TRHDE: variants seen among roughly 807,000 people sequenced by gnomAD.
TRHDE encodes thyrotropin-releasing hormone-degrading ectoenzyme.
A neutral mutation model predicts 125.7 loss-of-function variants in TRHDE; 72 were observed. That is an observed-to-expected ratio of 0.57 (90% CI 0.47 to 0.70). The LOEUF (loss-of-function observed/expected upper bound fraction) is 0.70. TRHDE is among the 30% of genes least tolerant of loss of function. The pLI, the probability that TRHDE is intolerant of heterozygous loss-of-function variation, is 0.00. For synonymous variants in TRHDE, 509 were observed against 509.1 expected (o/e 1.00, Z 0.00); for missense variants, 1,110 against 1,327.1 (o/e 0.84, Z 2.54).
chr12:72,410,707 T>A (rs1873459068), intron 3 of TRHDE, among the ~76,000 whole-genome samples: 3 of 152,100 alleles, frequency 2.0e-5, no homozygotes, highest in Non-Finnish European at 4.4e-5. Context: ...GCATCATTAA[T>A]ATAATGAAAA....
At chr12:72,650,503 T>G (rs1874463323) in intron 15 of TRHDE, among the ~76,000 whole-genome samples, 1 of 152,018 alleles carries the variant, frequency 6.6e-6, no homozygotes, top group South Asian at 2.1e-4. Context: ...TCTTGAACAT[T>G]GATATTGGAG....
intron 2 of TRHDE, among the ~76,000 whole-genome samples, chr12:72,122,299 C>T (rs561395504): frequency 6.6e-6 from 1 of 152,268 alleles, no homozygotes; most frequent in African/African-American, 2.4e-5. Context: ...CATCATGTTT[C>T]TTGCCTGTGA....
At chr12:72,451,092 G>T (rs1875547665) in intron 3 of TRHDE, among the ~76,000 whole-genome samples, 1 of 151,974 alleles carries the variant, frequency 6.6e-6, no homozygotes, top group Non-Finnish European at 1.5e-5. Context: ...TTTGTTGATT[G>T]TTTCCTTTGC....
rs112221040 is a variant in TRHDE, at chr12:72,614,127, T to C, written c.2322-4764T>C. ...TAGCATCAATCCACAAAGGGGGTTC[T>C]GCCCTCATGATCCAAACACCTCCCA... On this transcript the variant is annotated intron_variant, in intron 12 of 18. Transcript: ENST00000261180. Among the ~76,000 whole-genome samples the C allele has an allele frequency of 1.7e-3, 264 of 151,896 alleles. 4 individuals are homozygous for C. Among genetic ancestry groups the C allele is most frequent in the African/African-American group, 6.3e-3 (260 of 41,424 alleles).
intron 6 of TRHDE, among the ~76,000 whole-genome samples, chr12:72,537,335 C>G (rs61926610): frequency 6.6e-6 from 1 of 151,918 alleles, no homozygotes; most frequent in East Asian, 1.9e-4. Context: ...CTGTAATCCC[C>G]ACATGTCAAG....
chr12:72,195,807 G>A (rs544588679), intron 2 of TRHDE, among the ~76,000 whole-genome samples: 1 of 152,226 alleles, frequency 6.6e-6, no homozygotes, highest in South Asian at 2.1e-4. Context: ...CAAGGCTGAT[G>A]TCTAGAATGG....
At position 72,669,247 on chromosome 12, in the gene TRHDE, C is replaced by A. The variant is rs1875192025; in HGVS notation, c.*6052C>A. 1 of 151,784 alleles carries A rather than the reference C, an allele frequency of 6.6e-6. No homozygotes were observed. Among genetic ancestry groups the A allele is most frequent in the Non-Finnish European group, 1.5e-5 (1 of 67,836 alleles). 9.4% of individuals were successfully genotyped at this position (151,784 alleles called of 1,614,324 possible). On this transcript the variant is annotated 3_prime_UTR_variant, in exon 19 of 19. Transcript: ENST00000261180. ...AGGAGACATATTAGTCTAGCCAGAA[C>A]TTTCCTTTTGCTTAGCAGTGAGGTC...
In TRHDE at chr12:72,469,932, G is replaced by T; in HGVS notation, c.1470+20G>T. The T allele has an allele frequency of 3.1e-6, 5 of 1,609,786 alleles. No homozygotes were observed. Among genetic ancestry groups the T allele is most frequent in the Middle Eastern group, 1.7e-4 (1 of 6,048 alleles). Reference sequence around the variant, plus strand: ...CACCAGGTATGAGAAAAAGAATCAGGTGTAAGTATAATGTGAAAGCTATTG... The same window carrying T: ...CACCAGGTATGAGAAAAAGAATCAGTTGTAAGTATAATGTGAAAGCTATTG... On this transcript the variant is annotated intron_variant, in intron 4 of 18. Transcript: ENST00000261180.
At chr12:72,657,750 A>G (rs1207180992) in intron 18 of TRHDE, among the ~76,000 whole-genome samples, 1 of 152,162 alleles carries the variant, frequency 6.6e-6, no homozygotes, top group African/African-American at 2.4e-5. Flanking sequence ...TAGAGAGATG[A>G]GAAATGGGGA....
chr12:72,543,323 A>G (rs1869245867), intron 7 of TRHDE, among the ~76,000 whole-genome samples: 1 of 151,526 alleles, frequency 6.6e-6, no homozygotes, highest in African/African-American at 2.4e-5. Context: ...GAAACTATAT[A>G]TAAAAATAAA....
intron 2 of TRHDE, among the ~76,000 whole-genome samples, chr12:72,170,799 G>A (rs1431424244): frequency 1.3e-5 from 2 of 152,168 alleles, no homozygotes; most frequent in African/African-American, 4.8e-5. Context: ...CATTATATAT[G>A]TGTGCCCATC....
intron 12 of TRHDE, among the ~76,000 whole-genome samples, chr12:72,589,992 T>A (rs1185975664): frequency 6.6e-6 from 1 of 151,994 alleles, no homozygotes; most frequent in East Asian, 1.9e-4. Context: ...ATTGAGATAT[T>A]TTTTCTTTTC....
At chr12:72,445,090 G>A (rs1415382925) in intron 3 of TRHDE, among the ~76,000 whole-genome samples, 1 of 151,530 alleles carries the variant, frequency 6.6e-6, no homozygotes. Flanking sequence ...TTATTTGAAG[G>A]TTTTAAGAAA....
At chr12:72,639,854 G>T (rs1873961578) in intron 15 of TRHDE, among the ~76,000 whole-genome samples, 1 of 152,186 alleles carries the variant, frequency 6.6e-6, no homozygotes, top group Non-Finnish European at 1.5e-5. Context: ...GAGGCAGTCT[G>T]CCCGTTCTCA....
chr12:72,584,001 G>T (rs1448420648), intron 12 of TRHDE, among the ~76,000 whole-genome samples: 1 of 82,674 alleles, frequency 1.2e-5, no homozygotes, highest in Non-Finnish European at 1.9e-5. Flanking sequence ...CGCAATCTCG[G>T]CTCACTGCAG....
chr12:72,542,515 G>T (rs552017261), intron 7 of TRHDE, among the ~76,000 whole-genome samples, 159 bp downstream of exon 7: 2 of 151,290 alleles, frequency 1.3e-5, no homozygotes, highest in Non-Finnish European at 3.0e-5. Context: ...ATTCTAGATA[G>T]GATACTCACG....
chr12:72,640,000 G>A (rs547619137), intron 15 of TRHDE, among the ~76,000 whole-genome samples: 13 of 152,230 alleles, frequency 8.5e-5, no homozygotes, highest in Admixed American at 4.6e-4. Flanking sequence ...TACAGAGGCA[G>A]GCAGGCCTCC....
intron 12 of TRHDE, among the ~76,000 whole-genome samples, chr12:72,594,635 G>A (rs1871848135): frequency 6.7e-6 from 1 of 150,108 alleles, no homozygotes. Context: ...AGTATTTTCT[G>A]TATTTTATAA....
At chr12:72,495,060 G>GTT (rs751243542) in intron 5 of TRHDE, among the ~76,000 whole-genome samples, 4,524 of 58,382 alleles carry the variant, frequency 0.077, 879 homozygotes, top group African/African-American at 0.13. Context: ...TTCCTCCCCC[G>GTT]TTTTTTTTTT....
Sources: gnomAD v4.1 joint callset for allele counts (sites outside exome capture counted in the v4.1 genomes callset) on GRCh38, gnomAD v4.1.1 for gene constraint, MANE v1.5 for transcripts, NCBI Gene and HGNC (gene_info 2026-07-23, HGNC 2026-07-21) for gene names.